Variants in EMC1 observed in about 807,000 individuals in gnomAD.
EMC1 encodes the protein ER membrane protein complex subunit 1.
A neutral mutation model predicts 128.8 loss-of-function variants in EMC1; 103 were observed. That is an observed-to-expected ratio of 0.80 (90% CI 0.68 to 0.94). EMC1 has a LOEUF of 0.94. Among genes scored for constraint, EMC1 ranks in the 40% least tolerant of loss-of-function variants. EMC1 has a pLI of 0.00. For missense variants in EMC1, 1,083 were observed against 1,250.6 expected (o/e 0.87, Z 2.02); for synonymous variants, 442 against 490.4 (o/e 0.90, Z 1.30).
intron 18 of EMC1, among the ~76,000 whole-genome samples, chr1:19,224,208 C>T (rs1053425011): frequency 2.0e-5 from 3 of 152,210 alleles, no homozygotes; most frequent in Non-Finnish European, 4.4e-5. Context: ...AAGCCTTGAG[C>T]ATTTCCGTCA....
chr1:19,237,306 A>G (rs1198269259), intron 11 of EMC1, 68 bp from the exon 12 acceptor site: 7 of 1,093,266 alleles, frequency 6.4e-6, no homozygotes, highest in Non-Finnish European at 1.4e-6. Context: ...ACCAGACCCC[A>G]GGAGTCAAAG....
At position 19,240,391 on chromosome 1, in the gene EMC1, T is replaced by TCCAC; in HGVS notation, c.688_691dup (p.Asp231GlyfsTer3). On this transcript the variant is annotated frameshift_variant, in exon 7 of 23. Coordinates refer to ENST00000477853, the MANE Select transcript of EMC1 (RefSeq NM_015047.3). LOFTEE classifies it high-confidence loss of function. ...GTCAGGACACACCAGGACAGCCTCA[T>TCCAC]CCACCACACCACAGGCTCCAGACAG... The TCCAC allele has an allele frequency of 6.2e-7, 1 of 1,614,158 alleles. No individual in the cohort carries two copies. Among genetic ancestry groups the TCCAC allele is most frequent in the Non-Finnish European group, 8.5e-7 (1 of 1,180,018 alleles).
intron 17 of EMC1, chr1:19,229,427 CGCA>C (rs2093503642): frequency 6.6e-6 from 1 of 152,186 alleles, no homozygotes; most frequent in South Asian, 2.1e-4. Context: ...CCCGGACTCG[CGCA>C]CACAGCTGGC....
At position 19,223,517 on chromosome 1, in the gene EMC1, T is replaced by C; in HGVS notation, c.2255A>G (p.His752Arg). Residue 752 changes from histidine (H) to arginine (R), a missense_variant, in exon 19 of 23, where the codon CAT (histidine) becomes CGT (arginine). His to Arg is a conservative substitution (Grantham distance 29, BLOSUM62 0). Around this residue, in one of 3 missense-constraint regions of EMC1, gnomAD observed 527 missense variants for 644.1 expected, o/e 0.82. Transcript: ENST00000477853. Reference sequence around the variant, plus strand: ...GAAGATGCCAATAAAGGTGCGCTCATGGTGCGCGTCTGTGCTCTCTGTCAC... The same window carrying C: ...GAAGATGCCAATAAAGGTGCGCTCACGGTGCGCGTCTGTGCTCTCTGTCAC... ...AVVTESTDAH[H>R]ERTFIGIFLI... 6.2e-7 allele frequency: 1 copy of C among 1,614,144 alleles called. No individual in the cohort carries two copies. The highest frequency in any genetic ancestry group is 8.5e-7 in the Non-Finnish European group (1 of 1,180,000).
Position 19,238,815 on chromosome 1 carries a change from A to G in EMC1, c.1069T>C (p.Ser357Pro). The G allele has an allele frequency of 6.2e-7, 1 of 1,611,832 alleles. No individual in the cohort carries two copies. Among genetic ancestry groups the G allele is most frequent in the Non-Finnish European group, 8.5e-7 (1 of 1,177,948 alleles). The part of the protein sequence containing the change: ...SSEDGSMGSF[S>P]EKSSSKDSLA... Reference sequence around the variant, plus strand: ...CATACCTTTGAACTAGACTTCTCCGAAAAGCTCCCCATTGACCCATCTTCA... The same window carrying G: ...CATACCTTTGAACTAGACTTCTCCGGAAAGCTCCCCATTGACCCATCTTCA... The change falls in exon 10 of 23, where the codon TCG becomes CCG. Residue 357 changes from serine (S) to proline (P), a missense_variant. Around this residue, in one of 3 missense-constraint regions of EMC1, gnomAD observed 544 missense variants for 572.4 expected, o/e 0.95. Coordinates refer to ENST00000477853, the MANE Select transcript of EMC1 (RefSeq NM_015047.3).
At chr1:19,236,008 G>GCAAGGGGCTGGAATCAATAGGT (rs1553253345) in intron 12 of EMC1, among the ~76,000 whole-genome samples, 2 of 152,160 alleles carry the variant, frequency 1.3e-5, no homozygotes, top group Non-Finnish European at 2.9e-5. Flanking sequence ...AAATGGCAGA[G>GCAAGGGGCTGGAATCAATAGGT]CAAGGGGCTG....
intron 1 of EMC1, among the ~76,000 whole-genome samples, chr1:19,248,359 G>A (rs61764880): frequency 0.29 from 44,474 of 151,324 alleles, 7,172 homozygotes; most frequent in East Asian, 0.6. Context: ...CACCATGCCC[G>A]GCTAATTTTT....
rs2093535066 is a variant in EMC1, at chr1:19,232,937, T to C, written c.1631A>G (p.Lys544Arg). Residue 544 changes from lysine (K) to arginine (R), a missense_variant and splice_region_variant, in exon 14 of 23, where the codon AAG becomes AGG. Physicochemically the swap from Lys to Arg is conservative, Grantham distance 26. Around this residue, in one of 3 missense-constraint regions of EMC1, gnomAD observed 527 missense variants for 644.1 expected, o/e 0.82. Coordinates refer to ENST00000477853, the MANE Select transcript of EMC1 (RefSeq NM_015047.3). ...KMMVMVTASG[K>R]LFGIESSSGT... ...AACTGGAGCTTAAACCCCACTCACC[T>C]TGCCTGAGGCTGTTACCATCACCAT... The C allele has an allele frequency of 6.2e-7, 1 of 1,613,890 alleles. No homozygotes were observed. Among genetic ancestry groups the C allele is most frequent in the Non-Finnish European group, 8.5e-7 (1 of 1,179,904 alleles).
In EMC1 at chr1:19,249,381, T is replaced by G. The variant is rs58177524; in HGVS notation, c.95+2034A>C. Among the ~76,000 whole-genome samples the G allele has an allele frequency of 3.8e-3, 573 of 152,296 alleles. 2 individuals are homozygous for G. The highest frequency in any genetic ancestry group is 0.012 in the African/African-American group (486 of 41,554). On this transcript the variant is annotated intron_variant, in intron 1 of 22. Coordinates refer to ENST00000477853, the MANE Select transcript of EMC1 (RefSeq NM_015047.3). ...TTCATATCCTATTTTTACCATACAT[T>G]TTCTATGTTTAGATACACAAATATT...
chr1:19,222,474 A>C, intron 20 of EMC1, 150 bp downstream of exon 20: 1 of 662,996 alleles, frequency 1.5e-6, no homozygotes, highest in Non-Finnish European at 2.6e-6. Context: ...ATGAACTAAG[A>C]AACTTTTTCC....
Position 19,238,778 on chromosome 1 carries a change from C to T in EMC1, c.1089+17G>A, listed in dbSNP as rs553988268. ...TGCGTCTCTAGGTCTGGCATACTGC[C>T]CAGTGCCACACCATACCTTTGAACT... On this transcript the variant is annotated intron_variant, in intron 10 of 22. Coordinates refer to ENST00000477853, the MANE Select transcript of EMC1 (RefSeq NM_015047.3). The T allele has an allele frequency of 1.3e-6, 2 of 1,582,862 alleles. No individual in the cohort carries two copies. The highest frequency in any genetic ancestry group is 2.2e-5 in the East Asian group (1 of 44,698).
rs1019084287 is a variant in EMC1 at position 19,218,155 on chromosome 1, C to T, written c.*1148G>A. On this transcript the variant is annotated 3_prime_UTR_variant, in exon 23 of 23. Coordinates refer to ENST00000477853, the MANE Select transcript of EMC1 (RefSeq NM_015047.3). Reference sequence around the variant, plus strand: ...CTTTCACCACAGGGCTAGAGATGGTCTACTCTGTACATACATTTCACAACA... The same window carrying T: ...CTTTCACCACAGGGCTAGAGATGGTTTACTCTGTACATACATTTCACAACA... 2 of 152,230 alleles carry T rather than the reference C, an allele frequency of 1.3e-5. No homozygotes were observed. Among genetic ancestry groups the T allele is most frequent in the Non-Finnish European group, 2.9e-5 (2 of 68,042 alleles). 9.4% of individuals were successfully genotyped at this position (152,230 alleles called of 1,614,324 possible).
intron 18 of EMC1, among the ~76,000 whole-genome samples, chr1:19,224,038 C>T (rs1219126048): frequency 6.6e-6 from 1 of 152,224 alleles, no homozygotes; most frequent in African/African-American, 2.4e-5. Context: ...CCACGTGACG[C>T]AGGTGATCAC....
Position 19,223,524 on chromosome 1 carries a change from C to T in EMC1, c.2248G>A (p.Ala750Thr), listed in dbSNP as rs148338469. 7.5e-5 allele frequency: 121 copies of T among 1,614,032 alleles called. 1 individual carries two copies. In the Middle Eastern group the frequency reaches 9.9e-4, roughly 13 times the overall value. ...LLAVVTESTD[A>T]HHERTFIGIF... ...CCAATAAAGGTGCGCTCATGGTGCG[C>T]GTCTGTGCTCTCTGTCACCACGGCC... Residue 750 changes from alanine (A) to threonine (T), a missense_variant, in exon 19 of 23, where the codon GCG (alanine) becomes ACG (threonine). This residue lies in a region of EMC1 where 527 missense variants were observed against 644.1 expected (regional missense o/e 0.82). Coordinates refer to ENST00000477853, the MANE Select transcript of EMC1 (RefSeq NM_015047.3).
chr1:19,251,083 T>C (rs1248647809), intron 1 of EMC1, among the ~76,000 whole-genome samples: 2 of 152,116 alleles, frequency 1.3e-5, no homozygotes, highest in South Asian at 2.1e-4. Context: ...TGACACCTGG[T>C]AGACCAGAAA....
At chr1:19,245,623 C>CTTTTTTTT (rs1458650826) in intron 1 of EMC1, among the ~76,000 whole-genome samples, 3 of 97,344 alleles carry the variant, frequency 3.1e-5, no homozygotes, top group South Asian at 3.3e-4. Context: ...GGCACCTTAC[C>CTTTTTTTT]TTTCTTTTTT....
intron 17 of EMC1, among the ~76,000 whole-genome samples, chr1:19,230,186 T>A (rs1382501433): frequency 6.6e-6 from 1 of 152,028 alleles, no homozygotes; most frequent in Non-Finnish European, 1.5e-5. Context: ...GTCAACATCA[T>A]CTTCATATAA....
chr1:19,245,172 T>A (rs1572030862), intron 1 of EMC1, 142 bp from the exon 2 acceptor site: 4 of 891,176 alleles, frequency 4.5e-6, no homozygotes. Flanking sequence ...GCGCAGTGGC[T>A]CACACCTGTA....
rs547107630 is a variant in EMC1 at position 19,229,852 on chromosome 1, A to T, written c.2064+992T>A. Reference sequence around the variant, plus strand: ...CTTATCACCTTATTTTACAGATAAGAAAACAGAAGACCAGAGCCCAAGGTC... The same window carrying T: ...CTTATCACCTTATTTTACAGATAAGTAAACAGAAGACCAGAGCCCAAGGTC... On this transcript the variant is annotated intron_variant, in intron 17 of 22. Transcript: ENST00000477853. Among the ~76,000 whole-genome samples the T allele has an allele frequency of 6.6e-5, 10 of 152,332 alleles. No individual in the cohort carries two copies. The East Asian group carries it at 1.9e-3, about 29-fold the overall frequency.
Sources: gnomAD v4.1 joint callset for allele counts (sites outside exome capture counted in the v4.1 genomes callset) on GRCh38, gnomAD v4.1.1 for gene constraint, gnomAD v4.1.1 regional missense constraint, MANE v1.5 for transcripts, NCBI Gene and HGNC (gene_info 2026-07-23, HGNC 2026-07-21) for gene names.